ZNF638: variants seen among roughly 807,000 people sequenced by gnomAD.
ZNF638 encodes zinc finger protein 638.
ZNF638 carries 46 observed loss-of-function variants against 195.6 expected under a neutral mutation model. The ratio of observed to expected loss-of-function variants is 0.24; its 90% CI spans 0.19 to 0.30. The LOEUF (loss-of-function observed/expected upper bound fraction) is 0.30, where lower values mean the gene tolerates loss of function less well. Among genes scored for constraint, ZNF638 ranks in the 10% least tolerant of loss-of-function variants. The pLI is 1.00. For missense variants in ZNF638, 2,440 were observed against 2,325.3 expected (o/e 1.05, Z -1.01); for synonymous variants, 845 against 772.0 (o/e 1.09, Z -1.57).
intron 6 of ZNF638, 118 bp downstream of exon 6, chr2:71,365,824 A>T: frequency 1.0e-6 from 1 of 999,680 alleles, no homozygotes; most frequent in Non-Finnish European, 1.4e-6. Flanking sequence ...GGCTCAAGTG[A>T]TCCTCCTGCC....
At chr2:71,407,477 AAAG>A (rs1245039385) in intron 19 of ZNF638, 4 of 152,226 alleles carry the variant, frequency 2.6e-5, no homozygotes, top group Non-Finnish European at 5.9e-5. Flanking sequence ...CTGAAACCTG[AAAG>A]AAGAATATAT....
intron 1 of ZNF638, among the ~76,000 whole-genome samples, chr2:71,342,456 T>C (rs879816693): frequency 1.3e-5 from 2 of 152,138 alleles, no homozygotes; most frequent in Admixed American, 6.6e-5. Flanking sequence ...AAAGAAAATC[T>C]CAGACACATT....
chr2:71,403,106 CTT>C (rs1202626727), intron 16 of ZNF638, among the ~76,000 whole-genome samples: 1 of 151,838 alleles, frequency 6.6e-6, no homozygotes, highest in African/African-American at 2.4e-5. Context: ...TATTTGGAGA[CTT>C]AATGAAAATA....
At chr2:71,395,325 C>T in intron 10 of ZNF638, 2 of 715,358 alleles carry the variant, frequency 2.8e-6, no homozygotes, top group Non-Finnish European at 5.2e-6. Context: ...CTTCAATCAA[C>T]AAAACCTGAT....
rs1437652947 is a variant in ZNF638 at position 71,399,571 on chromosome 2, G to A, written c.2513G>A (p.Gly838Glu). The A allele has an allele frequency of 6.2e-7, 1 of 1,611,688 alleles. No homozygotes were observed. ...GTACTTTTACAAGCAAAATCTGGTGGAAAGAAGTCTCTAGAAGCCAAAAAG... is the reference window on the plus strand; with the variant it reads ...GTACTTTTACAAGCAAAATCTGGTGAAAAGAAGTCTCTAGAAGCCAAAAAG... Reference protein sequence around the residue: ...KASIKTAKSGGKKSLEAKKTG... With the variant: ...KASIKTAKSGEKKSLEAKKTG... The change falls in exon 13 of 28, where the codon GGA (glycine) becomes GAA (glutamate). Residue 838 changes from glycine to glutamate, a missense_variant. By Grantham distance (98) the Gly-to-Glu change is moderately conservative. Transcript: ENST00000264447.
At position 71,424,669 on chromosome 2, in the gene ZNF638, C is replaced by G; in HGVS notation, c.4544C>G (p.Thr1515Ser). 2 of 1,612,822 alleles carry G rather than the reference C, an allele frequency of 1.2e-6. No individual in the cohort carries two copies. The highest frequency in any genetic ancestry group is 1.7e-6 in the Non-Finnish European group (2 of 1,179,560). The change falls in exon 23 of 28, where the codon ACT becomes AGT. Residue 1515 changes from threonine to serine, a missense_variant. Transcript: ENST00000264447. ...TTTCAGACTTTGGCTGAGCAAAACA[C>G]TAAGAATCCTAAAAGCACTACTGGT... The part of the protein sequence containing the change: ...SNNKTLAEQN[T>S]KNPKSTTGRS...
chr2:71,424,787 G>C, intron 23 of ZNF638, 72 bp downstream of exon 23: 5 of 1,256,242 alleles, frequency 4.0e-6, no homozygotes, highest in Non-Finnish European at 4.5e-6. Flanking sequence ...CTTATAACTT[G>C]TGCCTGCCTT....
At chr2:71,355,014 G>T (rs1326300115) in intron 2 of ZNF638, among the ~76,000 whole-genome samples, 1 of 151,872 alleles carries the variant, frequency 6.6e-6, no homozygotes, top group African/African-American at 2.4e-5. Flanking sequence ...TGTCGCCCAG[G>T]CTGGAGTGCA....
At chr2:71,381,817 C>G (rs796288885) in intron 10 of ZNF638, among the ~76,000 whole-genome samples, 12 of 152,190 alleles carry the variant, frequency 7.9e-5, no homozygotes, top group African/African-American at 2.9e-4. Context: ...CAAAAGTACA[C>G]TCCATTTTTT....
intron 8 of ZNF638, among the ~76,000 whole-genome samples, chr2:71,377,031 G>A (rs1242813582): frequency 6.6e-6 from 1 of 152,116 alleles, no homozygotes; most frequent in Non-Finnish European, 1.5e-5. Flanking sequence ...CCAGCACTTT[G>A]GGAGGCCGAG....
At chr2:71,384,531 A>G (rs2079598770) in intron 10 of ZNF638, among the ~76,000 whole-genome samples, 1 of 152,170 alleles carries the variant, frequency 6.6e-6, no homozygotes, top group South Asian at 2.1e-4. Context: ...CATGGAATTG[A>G]TGGCTGACTT....
At chr2:71,421,913 A>G (rs1051274204) in intron 21 of ZNF638, among the ~76,000 whole-genome samples, 2 of 152,146 alleles carry the variant, frequency 1.3e-5, no homozygotes, top group South Asian at 2.1e-4. Context: ...TTCTGTGTCT[A>G]CCTCGGTGAA....
At chr2:71,384,773 T>C (rs1035379402) in intron 10 of ZNF638, among the ~76,000 whole-genome samples, 19 of 152,188 alleles carry the variant, frequency 1.2e-4, no homozygotes, top group African/African-American at 3.9e-4. Flanking sequence ...CAGCTGAAAA[T>C]GACATTCTTT....
intron 20 of ZNF638, among the ~76,000 whole-genome samples, chr2:71,411,946 G>A (rs2080237153): frequency 1.1e-5 from 1 of 89,450 alleles, no homozygotes. Flanking sequence ...ACGTGTGCAT[G>A]TGTCTTTATA....
intron 21 of ZNF638, among the ~76,000 whole-genome samples, chr2:71,421,592 T>C (rs1328182709): frequency 6.6e-6 from 1 of 152,158 alleles, no homozygotes; most frequent in African/African-American, 2.4e-5. Flanking sequence ...CACACAGATA[T>C]ACACCATCTT....
chr2:71,359,102 C>G (rs908874428), intron 3 of ZNF638, among the ~76,000 whole-genome samples: 3 of 152,102 alleles, frequency 2.0e-5, no homozygotes, highest in Non-Finnish European at 2.9e-5. Flanking sequence ...AGAACTGAAT[C>G]TACAGTATCT....
intron 14 of ZNF638, 86 bp downstream of exon 14, chr2:71,400,266 A>C (rs2079979970): frequency 8.6e-7 from 1 of 1,166,320 alleles, no homozygotes; most frequent in Admixed American, 2.5e-5. Flanking sequence ...ATTACGATTC[A>C]TGTCTTTATC....
chr2:71,431,205 C>G (rs765024660), intron 25 of ZNF638, 122 bp from the exon 26 acceptor site: 12 of 713,730 alleles, frequency 1.7e-5, no homozygotes, highest in Non-Finnish European at 2.6e-5. Context: ...CAAAGAATGG[C>G]CAGATGGGAT....
chr2:71,400,233 C>A, intron 14 of ZNF638, 53 bp downstream of exon 14: 1 of 1,376,034 alleles, frequency 7.3e-7, no homozygotes, highest in South Asian at 1.3e-5. Flanking sequence ...TTACCAATGC[C>A]ATACCTAAGT....
Sources: gnomAD v4.1 joint callset for allele counts (sites outside exome capture counted in the v4.1 genomes callset) on GRCh38, gnomAD v4.1.1 for gene constraint, MANE v1.5 for transcripts, NCBI Gene and HGNC (gene_info 2026-07-23, HGNC 2026-07-21) for gene names.